The following TRAPPC9 variants were observed in gnomAD, a reference collection of about 807,000 sequenced individuals.
TRAPPC9 encodes the protein IKK2 binding protein.
TRAPPC9 carries 83 observed loss-of-function variants against 124.0 expected under a neutral mutation model. That is an observed-to-expected ratio of 0.67 (90% CI 0.56 to 0.80). TRAPPC9 has a LOEUF of 0.80. Among genes scored for constraint, TRAPPC9 ranks in the 30% least tolerant of loss-of-function variants. The probability of loss-of-function intolerance (pLI) is 0.00; values close to 1 mark genes in which losing one functional copy is unlikely to be tolerated. For missense variants in TRAPPC9, 1,302 were observed against 1,508.3 expected, an observed-to-expected ratio of 0.86 and a Z score of 2.27; for synonymous variants, 638 against 617.5, an observed-to-expected ratio of 1.03 and a Z score of -0.49.
chr8:139,776,318 C>T lies in TRAPPC9; in HGVS notation c.3056-44116G>A, dbSNP rs1224776796. On this transcript the variant is annotated intron_variant, in intron 21 of 22. Coordinates refer to ENST00000438773, the MANE Select transcript of TRAPPC9 (RefSeq NM_001160372.4). This position sits in a 1 kb window ranked among gnomAD's most constrained non-coding sequence, Gnocchi z 4.1. ...AAAGCCAACAGGCCCAAACAGGGGA[C>T]GTCAGCTGCTATGTGACGTCATCTC... Among the ~76,000 whole-genome samples, 5 of 152,184 alleles carry T rather than the reference C, an allele frequency of 3.3e-5. No individual in the cohort carries two copies. Among genetic ancestry groups the T allele is most frequent in the East Asian group, 1.9e-4 (1 of 5,184 alleles).
chr8:139,854,594 G>A lies in TRAPPC9; in HGVS notation c.3055+31285C>T, dbSNP rs545297796. On this transcript the variant is annotated intron_variant, in intron 21 of 22. Coordinates refer to ENST00000438773, the MANE Select transcript of TRAPPC9 (RefSeq NM_001160372.4). Reference sequence around the variant, plus strand: ...TTCCAGCTATGTGGCTCCACGGAAGGAGCTTAACCTCTCTGAGCCTCGGTG... The same window carrying A: ...TTCCAGCTATGTGGCTCCACGGAAGAAGCTTAACCTCTCTGAGCCTCGGTG... 1.6e-3 allele frequency among the ~76,000 whole-genome samples: 241 copies of A among 152,348 alleles called. 1 individual carries two copies. The highest frequency in any genetic ancestry group is 2.7e-3 in the Non-Finnish European group (186 of 68,024).
intron 8 of TRAPPC9, among the ~76,000 whole-genome samples, chr8:140,367,722 A>G (rs1346309579): frequency 6.6e-6 from 1 of 152,200 alleles, no homozygotes; most frequent in Non-Finnish European, 1.5e-5. Context: ...AATGTAAACT[A>G]CGAACTTTGG....
intron 18 of TRAPPC9, among the ~76,000 whole-genome samples, chr8:140,005,238 A>G (rs533028929): frequency 1.3e-5 from 2 of 152,258 alleles, no homozygotes; most frequent in African/African-American, 4.8e-5. Flanking sequence ...TCAGCTCTAG[A>G]TAAGACTCAA....
chr8:139,941,765 A>C (rs1833935980), intron 19 of TRAPPC9, among the ~76,000 whole-genome samples: 1 of 152,190 alleles, frequency 6.6e-6, no homozygotes, highest in African/African-American at 2.4e-5. Flanking sequence ...GCCGAGCAGG[A>C]GGCAGGCTGG....
rs370349548 is a variant in TRAPPC9 at position 140,001,257 on chromosome 8, C to T, written c.2700-12421G>A. ...CGCACACCAGGGGGGTGAGGGGCTG[C>T]GGGGATAGCATTAGGAGAAATACCT... On this transcript the variant is annotated intron_variant, in intron 18 of 22. Coordinates refer to ENST00000438773, the MANE Select transcript of TRAPPC9 (RefSeq NM_001160372.4). Among the ~76,000 whole-genome samples the T allele has an allele frequency of 5.9e-5, 9 of 151,800 alleles. No homozygotes were observed. In the South Asian group the frequency reaches 6.2e-4, roughly 11 times the overall value.
intron 21 of TRAPPC9, among the ~76,000 whole-genome samples, chr8:139,796,904 C>A (rs1246158145): frequency 6.6e-6 from 1 of 152,210 alleles, no homozygotes; most frequent in East Asian, 1.9e-4. Context: ...CTCAGCAACA[C>A]TTGTTACTAT....
chr8:139,747,760 T>C (rs1211299172), intron 21 of TRAPPC9, among the ~76,000 whole-genome samples: 23 of 45,580 alleles, frequency 5.0e-4, no homozygotes, highest in East Asian at 3.1e-3. Context: ...GCAGGGGGTA[T>C]ACACAGCAGG....
At chr8:139,870,538 A>C (rs1273338973) in intron 21 of TRAPPC9, among the ~76,000 whole-genome samples, 1 of 152,248 alleles carries the variant, frequency 6.6e-6, no homozygotes, top group Non-Finnish European at 1.5e-5. Flanking sequence ...CAAAAGGTAC[A>C]GAGTAAATAA....
chr8:140,156,578 G>A (rs1255010259), intron 17 of TRAPPC9, among the ~76,000 whole-genome samples: 1 of 152,174 alleles, frequency 6.6e-6, no homozygotes, highest in Non-Finnish European at 1.5e-5. Context: ...TCTCTGCAGC[G>A]GGAGCCTCGG....
chr8:140,143,827 T>G (rs2061416783), intron 17 of TRAPPC9, among the ~76,000 whole-genome samples: 1 of 152,238 alleles, frequency 6.6e-6, no homozygotes, highest in Admixed American at 6.5e-5. Context: ...CCATTCCATA[T>G]TCCATCAATT....
At chr8:140,124,879 A>G (rs913521714) in intron 17 of TRAPPC9, among the ~76,000 whole-genome samples, 1 of 152,220 alleles carries the variant, frequency 6.6e-6, no homozygotes, top group Admixed American at 6.5e-5. Flanking sequence ...GGAAATATTA[A>G]TACGTAGTTT....
intron 17 of TRAPPC9, among the ~76,000 whole-genome samples, chr8:140,046,523 C>T (rs1841607454): frequency 1.3e-5 from 2 of 152,220 alleles, no homozygotes; most frequent in African/African-American, 2.4e-5. Flanking sequence ...CCAAAAGGAG[C>T]CCCTGCTGTC....
In TRAPPC9 at chr8:139,878,423, T is replaced by C. The variant is rs867493985; in HGVS notation, c.3055+7456A>G. ...TCTGATTGTCTCTCATCTTCTACCA[T>C]GAGAATATATTCCTTTCATGAAGTG... On this transcript the variant is annotated intron_variant, in intron 21 of 22. Coordinates refer to ENST00000438773, the MANE Select transcript of TRAPPC9 (RefSeq NM_001160372.4). Among the ~76,000 whole-genome samples the C allele has an allele frequency of 1.3e-5, 2 of 152,276 alleles. 1 individual carries two copies. The highest frequency in any genetic ancestry group is 4.2e-4 in the South Asian group (2 of 4,816).
In TRAPPC9 at chr8:140,146,773, G is replaced by A. The variant is rs116180108; in HGVS notation, c.2556+74686C>T. ...CATAAGCTTCTTACAGTGTCCCATGGGCCAGGCTGTGAAACTACTTGCTCT... is the reference window on the plus strand; with the variant it reads ...CATAAGCTTCTTACAGTGTCCCATGAGCCAGGCTGTGAAACTACTTGCTCT... On this transcript the variant is annotated intron_variant, in intron 17 of 22. Transcript: ENST00000438773. 3.2e-3 allele frequency among the ~76,000 whole-genome samples: 477 copies of A among 151,370 alleles called. 2 individuals carry two copies. The highest frequency in any genetic ancestry group is 0.011 in the African/African-American group (459 of 41,232).
chr8:139,783,986 G>A lies in TRAPPC9; in HGVS notation c.3056-51784C>T, dbSNP rs531864369. ...TAAAAACTCTCAGCAAGCCAGGACA[G>A]GAGAGAGGTGCCTCCACTTGATCAA... On this transcript the variant is annotated intron_variant, in intron 21 of 22. Coordinates refer to ENST00000438773, the MANE Select transcript of TRAPPC9 (RefSeq NM_001160372.4). Among the ~76,000 whole-genome samples the A allele has an allele frequency of 4.6e-5, 7 of 152,312 alleles. No homozygotes were observed. The South Asian group carries it at 1.4e-3, about 32-fold the overall frequency.
At chr8:140,411,582 T>C (rs1243004309) in intron 5 of TRAPPC9, among the ~76,000 whole-genome samples, 1 of 152,210 alleles carries the variant, frequency 6.6e-6, no homozygotes, top group Non-Finnish European at 1.5e-5. Flanking sequence ...CTTCAGGTGA[T>C]CTGCCTGCCT....
At chr8:140,041,555 C>T (rs558774754) in intron 17 of TRAPPC9, among the ~76,000 whole-genome samples, 1 of 152,374 alleles carries the variant, frequency 6.6e-6, no homozygotes, top group African/African-American at 2.4e-5. Context: ...GCCTGTGTTC[C>T]ACCCTAGCCC....
intron 17 of TRAPPC9, among the ~76,000 whole-genome samples, chr8:140,213,522 T>C (rs1233023124): frequency 6.6e-6 from 1 of 152,238 alleles, no homozygotes; most frequent in Non-Finnish European, 1.5e-5. Context: ...CTGTTTCCTA[T>C]TTCATTGTTT....
At chr8:139,916,717 A>T (rs1004937203) in intron 19 of TRAPPC9, 2 of 152,206 alleles carry the variant, frequency 1.3e-5, no homozygotes, top group African/African-American at 2.4e-5. Flanking sequence ...AAGAGTCTAT[A>T]AAAAAATGGT....
Sources: allele counts gnomAD v4.1 joint callset (sites outside exome capture counted in the v4.1 genomes callset), GRCh38; gene constraint gnomAD v4.1.1; non-coding constraint Gnocchi (gnomAD v3.1); transcripts MANE v1.5; gene names NCBI Gene and HGNC (gene_info 2026-07-23, HGNC 2026-07-21).